PSG7: variants seen among roughly 807,000 people sequenced by gnomAD.
PSG7 encodes the protein pregnancy-specific beta-1-glycoprotein 7.
Under a neutral mutation model 45.6 loss-of-function variants are expected in PSG7, and 57 were observed. The ratio of observed to expected loss-of-function variants is 1.25; its 90% CI spans 1.01 to 1.56. PSG7 has a LOEUF of 1.56. PSG7 is among the 40% of genes most tolerant of loss of function. The pLI is 0.00. For missense variants in PSG7, 796 were observed against 508.4 expected (o/e 1.57, Z -5.44); for synonymous variants, 298 against 194.4 (o/e 1.53, Z -4.43).
chr19:42,933,304 TATA>T lies in PSG7; in HGVS notation c.430+2097_430+2099del, dbSNP rs1342327450. ...ATATATATATATATATATATATATATATATTTTTTTTTTTTTTTGGTGTATGTA... is the reference window on the plus strand; with the variant it reads ...ATATATATATATATATATATATATATTTTTTTTTTTTTTTTGGTGTATGTA... On this transcript the variant is annotated intron_variant, in intron 2 of 5. Coordinates refer to ENST00000406070, the MANE Select transcript of PSG7 (RefSeq NM_002783.3). Among the ~76,000 whole-genome samples, 105 of 24,460 alleles carry T rather than the reference TATA, an allele frequency of 4.3e-3. 1 individual carries two copies. Among genetic ancestry groups the T allele is most frequent in the African/African-American group, 9.9e-3 (86 of 8,726 alleles). 16.0% of individuals were successfully genotyped at this position (24,460 alleles called of 152,430 possible). A position where few individuals can be genotyped will look rare whatever the true frequency, so the allele number is the denominator to read the frequency against.
chr19:42,924,983 G>C (rs977563352), intron 5 of PSG7, 159 bp from the exon 6 acceptor site: 33 of 649,018 alleles, frequency 5.1e-5, no homozygotes, highest in Non-Finnish European at 8.6e-5. Flanking sequence ...AAAATAGGTT[G>C]AGTTTCTTCA....
At chr19:42,934,783 A>G (rs1471469734) in intron 2 of PSG7, among the ~76,000 whole-genome samples, 1 of 151,536 alleles carries the variant, frequency 6.6e-6, no homozygotes, top group East Asian at 1.9e-4. Flanking sequence ...ATGGCCTACA[A>G]AGCTTGTCTT....
intron 3 of PSG7, chr19:42,926,918 G>A (rs1972907065): frequency 2.9e-6 from 3 of 1,048,726 alleles, no homozygotes; most frequent in Admixed American, 5.6e-5. Context: ...TCTTAGGGAA[G>A]CATAGACTTT....
chr19:42,937,196 A>G lies in PSG7; in HGVS notation c.-120T>C. ...TCTGCACTGAGCCTCTTCCCGGGGC[A>G]GGAGCACTTCTCAAGCTCATGGGTG... On this transcript the variant is annotated 5_prime_UTR_variant, in exon 1 of 6. Coordinates refer to ENST00000406070, the MANE Select transcript of PSG7 (RefSeq NM_002783.3). 5 of 1,423,288 alleles carry G rather than the reference A, an allele frequency of 3.5e-6. No individual in the cohort carries two copies. The highest frequency in any genetic ancestry group is 4.8e-6 in the Non-Finnish European group (5 of 1,049,108). The allele number at this position is 1,423,288 out of a possible 1,614,324, so 88.2% of individuals were successfully genotyped here.
rs181670521 is a variant in PSG7 at position 42,933,644 on chromosome 19, A to G, written c.430+1760T>C. Among the ~76,000 whole-genome samples, 1,108 of 150,508 alleles carry G rather than the reference A, an allele frequency of 7.4e-3. 38 individuals carry two copies. The highest frequency in any genetic ancestry group is 0.026 in the African/African-American group (1,065 of 40,626). ...AGGGAGTGTCTGCGGAAGGCCTAGC[A>G]GTGGAGGAAGAAGCTGTGCAGGACA... On this transcript the variant is annotated intron_variant, in intron 2 of 5. Transcript: ENST00000406070.
At chr19:42,933,299 A>ATT (rs1235421771) in intron 2 of PSG7, among the ~76,000 whole-genome samples, 1 of 14,642 alleles carries the variant, frequency 6.8e-5, no homozygotes, top group African/African-American at 1.8e-4. Flanking sequence ...ATATATATAT[A>ATT]TATATATATT....
rs765521190 is a variant in PSG7 at position 42,925,767 on chromosome 19, A to G, written c.1243+6T>C. 1 of 1,612,010 alleles carries G rather than the reference A, an allele frequency of 6.2e-7. No homozygotes were observed. The highest frequency in any genetic ancestry group is 8.5e-7 in the Non-Finnish European group (1 of 1,179,002). On this transcript the variant is annotated splice_donor_region_variant and intron_variant, in intron 5 of 5. Transcript: ENST00000406070. ...CCTATTGCCAAGGATGCTGGGATCC[A>G]CTTACCAGAGACTCTGACTGTCACG...
intron 3 of PSG7, 166 bp from the exon 4 acceptor site, chr19:42,926,882 C>A: frequency 7.5e-7 from 1 of 1,327,406 alleles, no homozygotes; most frequent in Non-Finnish European, 1.0e-6. Flanking sequence ...TCTAAGGGCT[C>A]AAAGACTGTG....
chr19:42,933,266 A>ATATATATATATATATATATATATATAT (rs1973060126), intron 2 of PSG7, among the ~76,000 whole-genome samples: 1 of 15,746 alleles, frequency 6.4e-5, no homozygotes, highest in Admixed American at 1.4e-3. Context: ...TCACCATTTC[A>ATATATATATATATATATATATATATAT]ATATATATAT....
At chr19:42,929,776 G>T (rs566317515) in intron 2 of PSG7, 56 bp from the exon 3 acceptor site, 1 of 1,568,854 alleles carries the variant, frequency 6.4e-7, no homozygotes, top group Non-Finnish European at 8.6e-7. Flanking sequence ...CTCCTCCAAA[G>T]GCATTTTTCA....
intron 2 of PSG7, among the ~76,000 whole-genome samples, chr19:42,931,805 T>C (rs540371832): frequency 2.0e-5 from 3 of 151,668 alleles, no homozygotes; most frequent in Admixed American, 2.0e-4. Context: ...TTACAGCCTT[T>C]GTAGTTGTCC....
rs370139097 is a variant in PSG7, at chr19:42,929,617, G to T, written c.534C>A (p.Tyr178Ter). The T allele has an allele frequency of 3.1e-6, 5 of 1,612,580 alleles. No homozygotes were observed. Among genetic ancestry groups the T allele is most frequent in the Non-Finnish European group, 4.2e-6 (5 of 1,179,256 alleles). ...GGCTCTGACCATTCATCCACCACAG[G>T]TAGCTTGCATCTGGAGTCTCAGGAT... ...TCDPETPDASYLWWMNGQSLP... is the reference protein window; with the variant it reads ...TCDPETPDAS Residue 178 changes from tyrosine (Y) to a stop codon, truncating the protein, a stop_gained, in exon 3 of 6, where the codon TAC (tyrosine) becomes TAA (stop). Coordinates refer to ENST00000406070, the MANE Select transcript of PSG7 (RefSeq NM_002783.3). LOFTEE classifies it high-confidence loss of function.
At chr19:42,930,451 G>C (rs1972995597) in intron 2 of PSG7, among the ~76,000 whole-genome samples, 2 of 151,622 alleles carry the variant, frequency 1.3e-5, no homozygotes, top group African/African-American at 4.9e-5. Context: ...CCCTGTTCTG[G>C]GTCCATGATG....
intron 3 of PSG7, among the ~76,000 whole-genome samples, chr19:42,928,855 ATAGACCCC>A: frequency 6.6e-6 from 1 of 151,634 alleles, no homozygotes; most frequent in Non-Finnish European, 1.5e-5. Context: ...TGAAAGAGAC[ATAGACCCC>A]TCTATATGTT....
chr19:42,925,686 G>C (rs1972865922), intron 5 of PSG7, 87 bp downstream of exon 5: 1 of 1,602,232 alleles, frequency 6.2e-7, no homozygotes, highest in African/African-American at 1.3e-5. Flanking sequence ...CACAGGCTGG[G>C]AATACAAATG....
At chr19:42,926,138 C>T in intron 4 of PSG7, 111 bp from the exon 5 acceptor site, 3 of 1,498,284 alleles carry the variant, frequency 2.0e-6, no homozygotes, top group Non-Finnish European at 2.7e-6. Context: ...CCTCAAGTGA[C>T]AGCCAAATCC....
Position 42,936,911 on chromosome 19 carries a change from T to A in PSG7, c.64+102A>T. On this transcript the variant is annotated intron_variant, in intron 1 of 5. Transcript: ENST00000406070. ...ATCCACCCACCTCAGCCTCCCAAAG[T>A]GCTGGCTTCTTTTATTTTTTAGAAC... The A allele has an allele frequency of 2.6e-6, 4 of 1,522,592 alleles. 1 individual carries two copies. Among genetic ancestry groups the A allele is most frequent in the East Asian group, 2.3e-5 (1 of 43,504 alleles). The allele number at this position is 1,522,592 out of a possible 1,614,324, so 94.3% of individuals were successfully genotyped here. A position where few individuals can be genotyped will look rare whatever the true frequency, so the allele number is the denominator to read the frequency against.
intron 2 of PSG7, among the ~76,000 whole-genome samples, chr19:42,934,134 A>G (rs911354738): frequency 6.6e-6 from 1 of 151,442 alleles, no homozygotes; most frequent in Non-Finnish European, 1.5e-5. Flanking sequence ...TCCTCTCATG[A>G]CAGTGACATG....
chr19:42,930,820 G>C (rs1269996784), intron 2 of PSG7, among the ~76,000 whole-genome samples: 1 of 151,540 alleles, frequency 6.6e-6, no homozygotes, highest in Non-Finnish European at 1.5e-5. Context: ...TGCAGGATGA[G>C]GGGGTTCTAG....
Sources: gnomAD v4.1 joint callset for allele counts (sites outside exome capture counted in the v4.1 genomes callset) on GRCh38, gnomAD v4.1.1 for gene constraint, MANE v1.5 for transcripts, NCBI Gene and HGNC (gene_info 2026-07-23, HGNC 2026-07-21) for gene names.